ZRANB3: variants seen among roughly 807,000 people sequenced by gnomAD.
ZRANB3 encodes the protein zinc finger RANBP2-type containing 3.
ZRANB3 carries 125 observed loss-of-function variants against 133.8 expected under a neutral mutation model. The observed-to-expected ratio is 0.93, with a 90% CI of 0.81 to 1.08. The LOEUF is 1.08. Ranked by LOEUF, ZRANB3 falls within the 50% of genes least tolerant of loss-of-function variation. The pLI is 0.00. For synonymous variants in ZRANB3, 387 were observed against 432.7 expected (o/e 0.89, Z 1.31); for missense variants, 1,229 against 1,275.5 (o/e 0.96, Z 0.56).
intron 1 of ZRANB3, among the ~76,000 whole-genome samples, chr2:135,527,327 G>C (rs1175397183): frequency 6.6e-6 from 1 of 152,170 alleles, no homozygotes; most frequent in Non-Finnish European, 1.5e-5. Flanking sequence ...TGGGAGGTGA[G>C]GTGGGTGGAT....
At chr2:135,413,164 C>T (rs1476780999) in intron 2 of ZRANB3, among the ~76,000 whole-genome samples, 4 of 152,116 alleles carry the variant, frequency 2.6e-5, no homozygotes, top group African/African-American at 7.2e-5. Context: ...TAGGACACTT[C>T]GGATATATCC....
intron 17 of ZRANB3, among the ~76,000 whole-genome samples, chr2:135,210,203 C>A (rs1436361433): frequency 6.6e-6 from 1 of 152,122 alleles, no homozygotes; most frequent in African/African-American, 2.4e-5. Flanking sequence ...TACAATACGT[C>A]CCTCACCAAT....
chr2:135,339,612 T>C (rs2104858000), intron 6 of ZRANB3, among the ~76,000 whole-genome samples: 1 of 152,332 alleles, frequency 6.6e-6, no homozygotes, highest in Middle Eastern at 3.4e-3. Context: ...GGTATAGCCA[T>C]AACATTCCTT....
chr2:135,289,724 G>C (rs1226450144), intron 8 of ZRANB3, among the ~76,000 whole-genome samples: 1 of 152,140 alleles, frequency 6.6e-6, no homozygotes, highest in Non-Finnish European at 1.5e-5. Flanking sequence ...CCAATATAGT[G>C]AGACCCCATC....
chr2:135,286,527 C>T (rs2104788311), intron 8 of ZRANB3, among the ~76,000 whole-genome samples: 1 of 152,330 alleles, frequency 6.6e-6, no homozygotes, highest in East Asian at 1.9e-4. Flanking sequence ...ATCTGCCTGC[C>T]TTGGCCTCCT....
At chr2:135,309,901 A>G (rs1377966074) in intron 8 of ZRANB3, among the ~76,000 whole-genome samples, 1 of 152,236 alleles carries the variant, frequency 6.6e-6, no homozygotes, top group East Asian at 1.9e-4. Flanking sequence ...GAAAAGGAAT[A>G]CAGTAGGGTA....
chr2:135,208,738 C>A, intron 18 of ZRANB3, 130 bp downstream of exon 18: 1 of 702,524 alleles, frequency 1.4e-6, no homozygotes, highest in Non-Finnish European at 2.4e-6. Context: ...TGAAGAGCTA[C>A]TATCTTGTGA....
intron 1 of ZRANB3, among the ~76,000 whole-genome samples, chr2:135,512,629 G>T (rs1222515771): frequency 1.3e-5 from 2 of 151,314 alleles, no homozygotes; most frequent in Non-Finnish European, 1.5e-5. Flanking sequence ...AACACTGAAA[G>T]TAAAAGAATT....
Position 135,390,818 on chromosome 2 carries a change from C to T in ZRANB3, c.164G>A (p.Cys55Tyr), listed in dbSNP as rs772599196. Residue 55 changes from cysteine (C) to tyrosine (Y), a missense_variant and splice_region_variant, in exon 3 of 21, where the codon TGT (cysteine) becomes TAT (tyrosine). Physicochemically the swap from Cys to Tyr is radical, Grantham distance 194. Coordinates refer to ENST00000264159, the MANE Select transcript of ZRANB3 (RefSeq NM_032143.4). ...AACACTTACTTCATCAGCCACCATA[C>T]ACCTGGAAAAAAAAAAAAAAAAAAA... ...IIFALKRNGR[C>Y]MVADEMGLGK... The T allele has an allele frequency of 1.2e-5, 17 of 1,477,794 alleles. 1 individual carries two copies. The South Asian group carries it at 2.2e-4, about 19-fold the overall frequency. The allele number at this position is 1,477,794 out of a possible 1,614,324, so 91.5% of individuals were successfully genotyped here.
chr2:135,361,084 T>A (rs1389992444), intron 3 of ZRANB3, among the ~76,000 whole-genome samples: 1 of 152,174 alleles, frequency 6.6e-6, no homozygotes, highest in East Asian at 1.9e-4. Flanking sequence ...TTGGCCAGAT[T>A]TCAGTATTTT....
At chr2:135,375,250 A>G (rs1211284695) in intron 3 of ZRANB3, among the ~76,000 whole-genome samples, 1 of 152,162 alleles carries the variant, frequency 6.6e-6, no homozygotes, top group Admixed American at 6.5e-5. Flanking sequence ...CTTGAGAAAA[A>G]TATGAGACAC....
chr2:135,390,349 A>G (rs1340259585), intron 3 of ZRANB3, among the ~76,000 whole-genome samples: 2 of 152,196 alleles, frequency 1.3e-5, no homozygotes, highest in Admixed American at 6.5e-5. Flanking sequence ...ATAGGGATAC[A>G]TATAAGCACA....
intron 6 of ZRANB3, among the ~76,000 whole-genome samples, chr2:135,315,924 T>C (rs1169287397): frequency 6.6e-6 from 1 of 152,208 alleles, no homozygotes; most frequent in Admixed American, 6.5e-5. Context: ...CCAGTCATTA[T>C]AATAACCAAA....
chr2:135,233,986 G>A (rs2105073035), intron 12 of ZRANB3, among the ~76,000 whole-genome samples: 1 of 152,286 alleles, frequency 6.6e-6, no homozygotes, highest in Non-Finnish European at 1.5e-5. Flanking sequence ...CCAATTAAAA[G>A]ACACAGACTG....
intron 16 of ZRANB3, among the ~76,000 whole-genome samples, chr2:135,218,183 C>T (rs1694390222): frequency 2.0e-5 from 3 of 152,124 alleles, no homozygotes; most frequent in South Asian, 2.1e-4. Flanking sequence ...CCTTAACACA[C>T]ATAGATCAAC....
intron 3 of ZRANB3, among the ~76,000 whole-genome samples, chr2:135,384,845 A>C (rs1264668771): frequency 6.6e-6 from 1 of 152,180 alleles, no homozygotes; most frequent in African/African-American, 2.4e-5. Flanking sequence ...GATGTATCTC[A>C]AAATAATAAG....
In ZRANB3 at chr2:135,437,143, A is replaced by G. The variant is rs1377061928; in HGVS notation, c.162-46323T>C. ...CCCAGCTAATTTTTGTACTTTTAGTAGAGATGGGGTTTCTCTATGTTGGTC... is the reference window on the plus strand; with the variant it reads ...CCCAGCTAATTTTTGTACTTTTAGTGGAGATGGGGTTTCTCTATGTTGGTC... On this transcript the variant is annotated intron_variant, in intron 2 of 20. Coordinates refer to ENST00000264159, the MANE Select transcript of ZRANB3 (RefSeq NM_032143.4). 2.6e-5 allele frequency among the ~76,000 whole-genome samples: 4 copies of G among 152,164 alleles called. No homozygotes were observed. The East Asian group carries it at 7.7e-4, about 29-fold the overall frequency.
At chr2:135,487,754 C>G (rs1439289216) in intron 2 of ZRANB3, among the ~76,000 whole-genome samples, 1 of 152,220 alleles carries the variant, frequency 6.6e-6, no homozygotes, top group Non-Finnish European at 1.5e-5. Flanking sequence ...TGGAATTAGG[C>G]TTTGGTATAC....
rs1170192495 is a variant in ZRANB3, at chr2:135,294,559, T to C, written c.967-18804A>G. The stretch of plus-strand genomic sequence containing the variant: ...TTCAAAAAACCAGCTCCTGGATTCA[T>C]TGATTTTTTTGAAGGGTTTTTTGTG... On this transcript the variant is annotated intron_variant, in intron 8 of 20. Transcript: ENST00000264159. 2.0e-5 allele frequency among the ~76,000 whole-genome samples: 3 copies of C among 152,178 alleles called. No homozygotes were observed. The South Asian group carries it at 6.2e-4, about 32-fold the overall frequency.
Sources: gnomAD v4.1 joint callset for allele counts (sites outside exome capture counted in the v4.1 genomes callset) on GRCh38, gnomAD v4.1.1 for gene constraint, MANE v1.5 for transcripts, NCBI Gene and HGNC (gene_info 2026-07-23, HGNC 2026-07-21) for gene names.